Variants in TYSND1 observed in about 807,000 individuals in gnomAD.
TYSND1 encodes trypsin like peroxisomal matrix peptidase 1.
Under a neutral mutation model 37.2 loss-of-function variants are expected in TYSND1, and 30 were observed. The observed-to-expected ratio is 0.81, with a 90% CI of 0.60 to 1.09. TYSND1 has a LOEUF of 1.09. Ranked by LOEUF, TYSND1 falls within the 50% of genes least tolerant of loss-of-function variation. The pLI is 0.00. For missense variants in TYSND1, 806 were observed against 817.4 expected (o/e 0.99, Z 0.17); for synonymous variants, 364 against 383.8 (o/e 0.95, Z 0.60).
Position 70,142,732 on chromosome 10 carries a change from C to T in TYSND1, c.1419G>A (p.Thr473=), listed in dbSNP as rs117228104. Residue 473 remains threonine, a synonymous_variant, in exon 3 of 4, where the codon ACG becomes ACA. Coordinates refer to ENST00000287078, the MANE Select transcript of TYSND1 (RefSeq NM_173555.4). ...VNGTPVMLQT[T]CAVHSGSSGG... is the part of the protein sequence containing the mutation. ...CACTGGAGCCGCTGTGCACAGCACA[C>T]GTGGTCTGCAGCATTACGGGCGTGC... The T allele has an allele frequency of 1.0e-4, 161 of 1,613,522 alleles. No individual in the cohort carries two copies. In the African/African-American group the frequency reaches 1.4e-3, roughly 14 times the overall value.
At chr10:70,143,682 C>G (rs1412221789) in intron 2 of TYSND1, among the ~76,000 whole-genome samples, 160 bp downstream of exon 2, 1 of 152,234 alleles carries the variant, frequency 6.6e-6, no homozygotes, top group African/African-American at 2.4e-5. Flanking sequence ...CTTCCCAGGG[C>G]ACTCCATGTG....
In TYSND1 at chr10:70,145,530, C is replaced by A; in HGVS notation, c.1057G>T (p.Gly353Cys). Residue 353 changes from glycine to cysteine, a missense_variant, in exon 1 of 4, where the codon GGC becomes TGC. Around this residue, in one of 3 missense-constraint regions of TYSND1, gnomAD observed 708 missense variants for 705.4 expected, o/e 1.00. Coordinates refer to ENST00000287078, the MANE Select transcript of TYSND1 (RefSeq NM_173555.4). ...WAAAAVLVEC[G>C]TVWGSGVAVA... ...GCCACTCCGGAGCCCCATACGGTGC[C>A]GCACTCCACCAACACTGCCGCGGCT... 1 of 1,519,316 alleles carries A rather than the reference C, an allele frequency of 6.6e-7. No homozygotes were observed. The highest frequency in any genetic ancestry group is 8.8e-7 in the Non-Finnish European group (1 of 1,140,454). 94.1% of individuals were successfully genotyped at this position (1,519,316 alleles called of 1,614,324 possible).
Position 70,139,712 on chromosome 10 carries a change from C to G in TYSND1, c.*212G>C. 2 of 556,408 alleles carry G rather than the reference C, an allele frequency of 3.6e-6. No homozygotes were observed. Among genetic ancestry groups the G allele is most frequent in the Non-Finnish European group, 6.4e-6 (2 of 314,262 alleles). 34.5% of individuals were successfully genotyped at this position (556,408 alleles called of 1,614,324 possible). A position where few individuals can be genotyped will look rare whatever the true frequency, so the allele number is the denominator to read the frequency against. ...AGAGAACTGGGGGCTCAAGAAAGCA[C>G]CCCAAAACGGGCTGCCAGGTTAAGG... On this transcript the variant is annotated 3_prime_UTR_variant, in exon 4 of 4. Transcript: ENST00000287078.
chr10:70,138,905 C>G lies in TYSND1; in HGVS notation c.*1019G>C, dbSNP rs1486061505. ...CTTGAAACCAGAAGGCTGAAGCCAG[C>G]ACGGGCAACAAAGCAATACCCCATT... On this transcript the variant is annotated 3_prime_UTR_variant, in exon 4 of 4. Coordinates refer to ENST00000287078, the MANE Select transcript of TYSND1 (RefSeq NM_173555.4). 6.6e-6 allele frequency: 1 copy of G among 152,214 alleles called. No homozygotes were observed. The highest frequency in any genetic ancestry group is 1.9e-4 in the East Asian group (1 of 5,186). The allele number at this position is 152,214 out of a possible 1,614,324, so 9.4% of individuals were successfully genotyped here.
In TYSND1 at chr10:70,146,335, G is replaced by A. The variant is rs1261305725; in HGVS notation, c.252C>T (p.His84=). The change falls in exon 1 of 4, where the codon CAC becomes CAT. Residue 84 remains histidine, a synonymous_variant. Coordinates refer to ENST00000287078, the MANE Select transcript of TYSND1 (RefSeq NM_173555.4). The part of the protein sequence containing the change: ...GDSCRDDLRL[H]VQWAPTAAGP... ...CCGCGGCCGTTGGGGCCCACTGCAC[G>A]TGCAGGCGCAGGTCGTCCCTGCAAC... 9.8e-6 allele frequency: 15 copies of A among 1,529,948 alleles called. No individual in the cohort carries two copies. The highest frequency in any genetic ancestry group is 2.0e-4 in the Middle Eastern group (1 of 5,048). The allele number at this position is 1,529,948 out of a possible 1,614,324, so 94.8% of individuals were successfully genotyped here.
intron 3 of TYSND1, among the ~76,000 whole-genome samples, chr10:70,142,455 A>G (rs2072794658): frequency 6.6e-6 from 1 of 152,222 alleles, no homozygotes; most frequent in Admixed American, 6.5e-5. Context: ...TTAGTAGCAG[A>G]GAAGGGACCA....
intron 3 of TYSND1, among the ~76,000 whole-genome samples, chr10:70,142,392 G>C (rs1367969826): frequency 6.6e-6 from 1 of 152,030 alleles, no homozygotes; most frequent in Admixed American, 6.6e-5. Flanking sequence ...TTTTGAGTCT[G>C]TGACGCTTTG....
rs1328280599 is a variant in TYSND1, at chr10:70,144,508, G to A, written c.1167-536C>T. 6.1e-6 allele frequency: 6 copies of A among 987,872 alleles called. No homozygotes were observed. The South Asian group carries it at 1.4e-4, about 23-fold the overall frequency. The allele number at this position is 987,872 out of a possible 1,614,324, so 61.2% of individuals were successfully genotyped here. ...ACACGCTAACACTTCTGTAGCACAC[G>A]ACGTGACAGGCTCCGTTCCACGACA... On this transcript the variant is annotated intron_variant, in intron 1 of 3. Coordinates refer to ENST00000287078, the MANE Select transcript of TYSND1 (RefSeq NM_173555.4).
At chr10:70,141,653 C>G (rs927021798) in intron 3 of TYSND1, among the ~76,000 whole-genome samples, 1 of 152,168 alleles carries the variant, frequency 6.6e-6, no homozygotes, top group African/African-American at 2.4e-5. Flanking sequence ...TTCTGACGTT[C>G]ACCTTGATCA....
At position 70,138,711 on chromosome 10, in the gene TYSND1, C is replaced by A. The variant is rs1168923258; in HGVS notation, c.*1213G>T. 2 of 152,538 alleles carry A rather than the reference C, an allele frequency of 1.3e-5. No homozygotes were observed. The highest frequency in any genetic ancestry group is 4.8e-5 in the African/African-American group (2 of 41,474). 9.4% of individuals were successfully genotyped at this position (152,538 alleles called of 1,614,324 possible). A position where few individuals can be genotyped will look rare whatever the true frequency, so the allele number is the denominator to read the frequency against. On this transcript the variant is annotated 3_prime_UTR_variant, in exon 4 of 4. Coordinates refer to ENST00000287078, the MANE Select transcript of TYSND1 (RefSeq NM_173555.4). ...ACCTTCCGGGACCTGCAAGCCCCAC[C>A]CAGCTCTGACTGGCACATGACCAGC...
intron 1 of TYSND1, chr10:70,144,565 A>G (rs750148897): frequency 3.8e-5 from 38 of 987,364 alleles, no homozygotes; most frequent in Middle Eastern, 5.1e-4. Flanking sequence ...GGCAGCTTAG[A>G]CAGGTTAAGT....
At chr10:70,145,334 G>C in intron 1 of TYSND1, 87 bp downstream of exon 1, 11 of 1,219,654 alleles carry the variant, frequency 9.0e-6, no homozygotes, top group Non-Finnish European at 1.2e-5. Context: ...ACACAAGAAA[G>C]GCCTGCACAA....
chr10:70,146,058 C>G lies in TYSND1; in HGVS notation c.529G>C (p.Asp177His). The change falls in exon 1 of 4, where the codon GAT becomes CAT. Residue 177 changes from aspartate to histidine, a missense_variant. By Grantham distance (81) the Asp-to-His change is moderately conservative (BLOSUM62 -1). Around this residue, in one of 3 missense-constraint regions of TYSND1, gnomAD observed 708 missense variants for 705.4 expected, o/e 1.00. Transcript: ENST00000287078. Reference protein sequence around the residue: ...DDEVSEDEEADQLRALGWFAL... With the variant: ...DDEVSEDEEAHQLRALGWFAL... ...AACCAGCCCAGCGCTCTCAGTTGAT[C>G]CGCCTCCTCGTCCTCCGACACTTCG... 1 of 1,594,868 alleles carries G rather than the reference C, an allele frequency of 6.3e-7. No homozygotes were observed. Among genetic ancestry groups the G allele is most frequent in the South Asian group, 1.1e-5 (1 of 88,592 alleles).
At chr10:70,144,933 C>A (rs891106722) in intron 1 of TYSND1, 1 of 258,038 alleles carries the variant, frequency 3.9e-6, no homozygotes. Context: ...ACGTTTCACT[C>A]AGACGGGAAG....
intron 1 of TYSND1, chr10:70,144,319 T>C: frequency 2.6e-6 from 1 of 390,578 alleles, no homozygotes; most frequent in Non-Finnish European, 3.7e-6. Context: ...GTGGTATAAC[T>C]GAGGCCCAGA....
Position 70,139,749 on chromosome 10 carries a change from T to C in TYSND1, c.*175A>G. The C allele has an allele frequency of 1.6e-6, 1 of 624,802 alleles. No homozygotes were observed. Among genetic ancestry groups the C allele is most frequent in the South Asian group, 2.0e-5 (1 of 49,092 alleles). The allele number at this position is 624,802 out of a possible 1,614,324, so 38.7% of individuals were successfully genotyped here. ...CTGCCAGGTTAAGGATCCATGGGGC[T>C]GAAGAGAAGTTTGCCCCAGAGCCCA... is the stretch of plus-strand genomic sequence containing the variant. On this transcript the variant is annotated 3_prime_UTR_variant, in exon 4 of 4. Transcript: ENST00000287078.
chr10:70,139,959 G>C lies in TYSND1; in HGVS notation c.1666C>G (p.Arg556Gly). 6.2e-7 allele frequency: 1 copy of C among 1,613,692 alleles called. No individual in the cohort carries two copies. The highest frequency in any genetic ancestry group is 8.5e-7 in the Non-Finnish European group (1 of 1,179,874). Reference protein sequence around the residue: ...EPVRVVWRLQRPLAEAPRSKL With the variant: ...EPVRVVWRLQGPLAEAPRSKL ...CTCCGCGGGGCCTCTGCCAGGGGCC[G>C]CTGCAACCGCCACACCACCCTGACT... The change falls in exon 4 of 4, where the codon CGG becomes GGG. Residue 556 changes from arginine to glycine, a missense_variant. Transcript: ENST00000287078.
At chr10:70,140,203 G>C (rs1328621252) in intron 3 of TYSND1, 62 bp from the exon 4 acceptor site, 1 of 1,417,560 alleles carries the variant, frequency 7.1e-7, no homozygotes, top group African/African-American at 1.4e-5. Context: ...CTGGAGAAGG[G>C]AGGAGGACCA....
intron 2 of TYSND1, 107 bp from the exon 3 acceptor site, chr10:70,142,960 C>T (rs2136690372): frequency 7.6e-7 from 1 of 1,308,320 alleles, no homozygotes; most frequent in Non-Finnish European, 1.0e-6. Flanking sequence ...AACCTCTCCA[C>T]CCTTCAAGTT....
Sources: gnomAD v4.1 joint callset for allele counts (sites outside exome capture counted in the v4.1 genomes callset) on GRCh38, gnomAD v4.1.1 for gene constraint, gnomAD v4.1.1 regional missense constraint, MANE v1.5 for transcripts, NCBI Gene and HGNC (gene_info 2026-07-23, HGNC 2026-07-21) for gene names.